PLEKHA7: variants seen among roughly 807,000 people sequenced by gnomAD.
PLEKHA7 encodes the protein pleckstrin homology domain containing A7, also known as pleckstrin homology domain-containing family A member 7.
PLEKHA7 carries 104 observed loss-of-function variants against 170.0 expected under a neutral mutation model. The observed-to-expected ratio is 0.61, with a 90% CI of 0.52 to 0.72. PLEKHA7 has a LOEUF of 0.72. Ranked by LOEUF, PLEKHA7 falls within the 30% of genes least tolerant of loss-of-function variation. The pLI is 0.00. For missense variants in PLEKHA7, 1,615 were observed against 1,671.7 expected (o/e 0.97, Z 0.59); for synonymous variants, 648 against 660.8 (o/e 0.98, Z 0.30).
chr11:16,925,705 T>C (rs1210133678), intron 3 of PLEKHA7, among the ~76,000 whole-genome samples: 1 of 152,012 alleles, frequency 6.6e-6, no homozygotes, highest in Non-Finnish European at 1.5e-5. Flanking sequence ...TCGCGCGCCC[T>C]CCTCCTCCTC....
chr11:16,925,929 G>T (rs1026565878), intron 3 of PLEKHA7, among the ~76,000 whole-genome samples: 5 of 152,234 alleles, frequency 3.3e-5, no homozygotes, highest in Non-Finnish European at 7.4e-5. Context: ...GAGGGAAAAG[G>T]GCGGAGGGGC....
At chr11:16,799,872 G>A (rs1393054733) in intron 17 of PLEKHA7, among the ~76,000 whole-genome samples, 1 of 152,162 alleles carries the variant, frequency 6.6e-6, no homozygotes, top group African/African-American at 2.4e-5. Context: ...CCTCCACGTG[G>A]TCCTAGGCAG....
chr11:16,953,793 A>G (rs1861542862), intron 3 of PLEKHA7, among the ~76,000 whole-genome samples: 1 of 152,226 alleles, frequency 6.6e-6, no homozygotes, highest in Non-Finnish European at 1.5e-5. Flanking sequence ...AAACATATGA[A>G]AAGTCTATTC....
At chr11:16,827,087 T>C (rs1388331365) in intron 9 of PLEKHA7, among the ~76,000 whole-genome samples, 1 of 152,218 alleles carries the variant, frequency 6.6e-6, no homozygotes, top group Non-Finnish European at 1.5e-5. Flanking sequence ...ATCTTGCCTT[T>C]TCCTTTTGCA....
chr11:17,004,154 T>C (rs113771987), intron 3 of PLEKHA7, among the ~76,000 whole-genome samples: 6 of 152,312 alleles, frequency 3.9e-5, no homozygotes, highest in African/African-American at 1.4e-4. Context: ...ATAAATTAAA[T>C]TGAGGGTAAA....
intron 3 of PLEKHA7, among the ~76,000 whole-genome samples, chr11:16,926,449 A>C (rs925220755): frequency 1.3e-5 from 2 of 152,246 alleles, no homozygotes; most frequent in Non-Finnish European, 2.9e-5. Flanking sequence ...TTTAAGGGTT[A>C]GTATATGCCA....
chr11:16,782,754 CT>C lies in PLEKHA7; in HGVS notation c.3792del (p.Ala1265ProfsTer4). 6.5e-7 allele frequency: 1 copy of C among 1,536,018 alleles called. No individual in the cohort carries two copies. The highest frequency in any genetic ancestry group is 8.7e-7 in the Non-Finnish European group (1 of 1,146,860). ...CTTGGGGGCTGGGCCATGGCCTTAC[CT>C]GCCACCTGCTTGCTACGCTGGGAGG... ...SEASQRSKQVAAQAVTDP is the reference protein window; with the variant it reads ...SEASQRSKQVXAQAVTDP On this transcript the variant is annotated frameshift_variant and splice_region_variant, in exon 26 of 27. Transcript: ENST00000531066. LOFTEE classifies it high-confidence loss of function.
intron 9 of PLEKHA7, among the ~76,000 whole-genome samples, chr11:16,835,312 C>T (rs1249352435): frequency 6.6e-6 from 1 of 152,146 alleles, no homozygotes; most frequent in African/African-American, 2.4e-5. Context: ...CTTAGCTCTG[C>T]TCCTGGGCCA....
intron 3 of PLEKHA7, among the ~76,000 whole-genome samples, chr11:16,947,518 G>GTTC (rs1861106012): frequency 7.9e-5 from 12 of 151,872 alleles, no homozygotes; most frequent in Admixed American, 7.9e-4. Context: ...TTGAACCAGG[G>GTTC]AGGTGGAGGT....
chr11:16,844,420 T>C (rs1184198630), intron 8 of PLEKHA7, among the ~76,000 whole-genome samples: 1 of 152,222 alleles, frequency 6.6e-6, no homozygotes, highest in African/African-American at 2.4e-5. Flanking sequence ...GCATATTCAA[T>C]GGATTAACTG....
At chr11:16,856,484 A>C (rs1853464286) in intron 4 of PLEKHA7, among the ~76,000 whole-genome samples, 1 of 152,202 alleles carries the variant, frequency 6.6e-6, no homozygotes. Flanking sequence ...TTGCCCCAAA[A>C]TAGAGCTATC....
intron 3 of PLEKHA7, among the ~76,000 whole-genome samples, chr11:16,883,296 T>C (rs1484111705): frequency 6.6e-6 from 1 of 152,196 alleles, no homozygotes; most frequent in Non-Finnish European, 1.5e-5. Flanking sequence ...TCATCAGTTA[T>C]ATAGAAATAA....
At chr11:16,916,669 G>A (rs1858708157) in intron 3 of PLEKHA7, among the ~76,000 whole-genome samples, 1 of 152,194 alleles carries the variant, frequency 6.6e-6, no homozygotes, top group African/African-American at 2.4e-5. Flanking sequence ...AAAGGCTTAA[G>A]TCTGAAAACA....
Position 16,791,829 on chromosome 11 carries a change from T to C in PLEKHA7, c.2746-630A>G. The stretch of plus-strand genomic sequence containing the variant: ...ATGCAGTTCATTCCCTAGAATGTGA[T>C]GAATGCAACATTTTCCTTGAAACTC... On this transcript the variant is annotated intron_variant, in intron 19 of 26. Transcript: ENST00000531066. The surrounding 1 kb of genome is among the most constrained non-coding windows in gnomAD (Gnocchi z 4.5). The C allele has an allele frequency of 2.6e-6, 1 of 380,396 alleles. No homozygotes were observed. The highest frequency in any genetic ancestry group is 5.3e-6 in the Non-Finnish European group (1 of 189,002). The allele number at this position is 380,396 out of a possible 1,614,324, so 23.6% of individuals were successfully genotyped here.
chr11:16,814,804 C>T (rs536683062), intron 12 of PLEKHA7, among the ~76,000 whole-genome samples: 96 of 152,334 alleles, frequency 6.3e-4, no homozygotes, highest in African/African-American at 2.1e-3. Context: ...AGAGAGGGCG[C>T]CCTGCATCTC....
chr11:16,816,343 G>A, intron 11 of PLEKHA7, 79 bp from the exon 12 acceptor site: 3 of 990,762 alleles, frequency 3.0e-6, no homozygotes, highest in Non-Finnish European at 4.7e-6. Context: ...CCCATGCCAT[G>A]TCCCCTCTGA....
At chr11:17,001,705 T>C (rs1864672773) in intron 3 of PLEKHA7, among the ~76,000 whole-genome samples, 2 of 144,688 alleles carry the variant, frequency 1.4e-5, no homozygotes, top group South Asian at 2.2e-4. Flanking sequence ...AACTCCAAGC[T>C]ACAAGAGGTA....
chr11:16,880,897 T>C (rs115846532), intron 3 of PLEKHA7, among the ~76,000 whole-genome samples: 2,365 of 152,292 alleles, frequency 0.016, 61 homozygotes, highest in African/African-American at 0.054. Context: ...CCTCCAGCTG[T>C]AGCATTTTAA....
intron 3 of PLEKHA7, among the ~76,000 whole-genome samples, chr11:16,944,965 T>C (rs1368249013): frequency 6.6e-6 from 1 of 152,182 alleles, no homozygotes; most frequent in Non-Finnish European, 1.5e-5. Flanking sequence ...TTCACTTTTT[T>C]TTCCCCCTTC....
Sources: gnomAD v4.1 joint callset for allele counts (sites outside exome capture counted in the v4.1 genomes callset) on GRCh38, gnomAD v4.1.1 for gene constraint, Gnocchi (gnomAD v3.1) non-coding constraint, MANE v1.5 for transcripts, NCBI Gene and HGNC (gene_info 2026-07-23, HGNC 2026-07-21) for gene names.